Variants in NRP2 observed in about 807,000 individuals in gnomAD.
NRP2 encodes the protein neuropilin 2.
NRP2 carries 52 observed loss-of-function variants against 110.4 expected under a neutral mutation model. The ratio of observed to expected loss-of-function variants is 0.47; its 90% CI spans 0.38 to 0.59. The LOEUF (loss-of-function observed/expected upper bound fraction) is 0.59. Ranked by LOEUF, NRP2 falls within the 20% of genes least tolerant of loss-of-function variation. The pLI, the probability that NRP2 is intolerant of heterozygous loss-of-function variation, is 0.00. For synonymous variants in NRP2, 508 were observed against 468.9 expected (o/e 1.08, Z -1.08); for missense variants, 1,049 against 1,203.0 (o/e 0.87, Z 1.89).
At chr2:205,716,096 T>C (rs1177310714) in intron 2 of NRP2, 97 bp from the exon 3 acceptor site, 2 of 1,328,964 alleles carry the variant, frequency 1.5e-6, no homozygotes, top group Non-Finnish European at 2.2e-6. Flanking sequence ...ACACCTTAAC[T>C]TCTGCAAATG....
chr2:205,776,109 T>C (rs1388827950), intron 15 of NRP2: 1 of 871,966 alleles, frequency 1.1e-6, no homozygotes, highest in East Asian at 2.4e-5. Flanking sequence ...TGCTAAGGAC[T>C]GAGTACCACC....
chr2:205,702,349 G>A (rs1408127611), intron 2 of NRP2, among the ~76,000 whole-genome samples: 1 of 152,214 alleles, frequency 6.6e-6, no homozygotes, highest in Non-Finnish European at 1.5e-5. Flanking sequence ...CCCAAGGCCA[G>A]CATTTCCAGT....
intron 10 of NRP2, among the ~76,000 whole-genome samples, chr2:205,746,294 A>G (rs1182226174): frequency 6.6e-6 from 1 of 152,206 alleles, no homozygotes; most frequent in Non-Finnish European, 1.5e-5. Flanking sequence ...GTCAGTGGCT[A>G]AGAGACTTCA....
chr2:205,749,301 A>G (rs145735868), intron 10 of NRP2, among the ~76,000 whole-genome samples: 2 of 152,316 alleles, frequency 1.3e-5, no homozygotes, highest in African/African-American at 4.8e-5. Context: ...CTAAAGACAT[A>G]GCCCCAAATC....
In NRP2 at chr2:205,797,498, T is replaced by C. The variant is rs1418687822; in HGVS notation, c.*2440T>C. 1.3e-5 allele frequency: 2 copies of C among 152,154 alleles called. No homozygotes were observed. Among genetic ancestry groups the C allele is most frequent in the African/African-American group, 4.8e-5 (2 of 41,408 alleles). The allele number at this position is 152,154 out of a possible 1,614,324, so 9.4% of individuals were successfully genotyped here. ...AACTCAACCTGCATCCCTCTAAAAGTCCTATATCCATATTCACCATTGGCT... is the reference window on the plus strand; with the variant it reads ...AACTCAACCTGCATCCCTCTAAAAGCCCTATATCCATATTCACCATTGGCT... On this transcript the variant is annotated 3_prime_UTR_variant, in exon 17 of 17. Coordinates refer to ENST00000357785, the MANE Select transcript of NRP2 (RefSeq NM_003872.3).
intron 6 of NRP2, among the ~76,000 whole-genome samples, chr2:205,726,653 T>C (rs1301936468): frequency 6.6e-6 from 1 of 152,102 alleles, no homozygotes; most frequent in Non-Finnish European, 1.5e-5. Flanking sequence ...ACCTTGCAGC[T>C]CATGTTGAGT....
Position 205,697,707 on chromosome 2 carries a change from GAAGCACGACTGCAAGT to G in NRP2, c.244_251+8del. 6.2e-7 allele frequency: 1 copy of G among 1,613,902 alleles called. No individual in the cohort carries two copies. Among genetic ancestry groups the G allele is most frequent in the African/African-American group, 1.3e-5 (1 of 74,940 alleles). ...ACTTCAACCCTCACTTTGAAATCGA[GAAGCACGACTGCAAGT>G]AAGCACCGTCCTGTCCCACTGTGTA... is the stretch of plus-strand genomic sequence containing the variant. On this transcript the variant is annotated splice_donor_variant and coding_sequence_variant, in exon 2 of 17. Coordinates refer to ENST00000357785, the MANE Select transcript of NRP2 (RefSeq NM_003872.3). LOFTEE classifies it high-confidence loss of function.
intron 15 of NRP2, among the ~76,000 whole-genome samples, chr2:205,782,728 G>A (rs563614612): frequency 2.6e-5 from 4 of 152,142 alleles, no homozygotes; most frequent in Non-Finnish European, 5.9e-5. Flanking sequence ...GACATCTTGA[G>A]GGTAATTCAG....
chr2:205,752,121 C>T (rs1375245655), intron 11 of NRP2, among the ~76,000 whole-genome samples: 7 of 152,148 alleles, frequency 4.6e-5, no homozygotes, highest in South Asian at 2.1e-4. Context: ...CTCCCGGGGT[C>T]GCAGCCTCCA....
chr2:205,776,287 G>A (rs1468717416), intron 15 of NRP2: 30 of 1,612,364 alleles, frequency 1.9e-5, no homozygotes, highest in Non-Finnish European at 2.5e-5. Flanking sequence ...AGTGGACACG[G>A]TGCCCATGCA....
chr2:205,765,493 T>C lies in NRP2; in HGVS notation c.2327T>C (p.Ile776Thr), dbSNP rs1460321824. ...TTCTAGATTGTGTTCGAGGGAGTGA[T>C]AGGGAAAGGACGTTCCGGAGAGATT... ...MEYQIVFEGVIGKGRSGEIAI... is the reference protein window; with the variant it reads ...MEYQIVFEGVTGKGRSGEIAI... Residue 776 changes from isoleucine to threonine, a missense_variant, in exon 14 of 17, where the codon ATA becomes ACA. Coordinates refer to ENST00000357785, the MANE Select transcript of NRP2 (RefSeq NM_003872.3). 1.9e-6 allele frequency: 3 copies of C among 1,613,934 alleles called. No homozygotes were observed. Among genetic ancestry groups the C allele is most frequent in the South Asian group, 2.2e-5 (2 of 91,080 alleles).
chr2:205,766,680 G>A (rs746348773), intron 14 of NRP2, 103 bp from the exon 15 acceptor site: 69 of 1,073,988 alleles, frequency 6.4e-5, no homozygotes, highest in Non-Finnish European at 9.6e-5. Context: ...AAAAAACCGA[G>A]TGCAGTCATG....
intron 2 of NRP2, among the ~76,000 whole-genome samples, chr2:205,702,023 G>T (rs2056570092): frequency 6.6e-6 from 1 of 152,178 alleles, no homozygotes; most frequent in South Asian, 2.1e-4. Flanking sequence ...AACTTCCCAG[G>T]CCTCAGTTTC....
intron 1 of NRP2, among the ~76,000 whole-genome samples, chr2:205,693,260 G>A (rs1043381820): frequency 6.6e-6 from 1 of 152,192 alleles, no homozygotes; most frequent in Non-Finnish European, 1.5e-5. Flanking sequence ...GGTATACATA[G>A]GAAATAGATG....
intron 1 of NRP2, among the ~76,000 whole-genome samples, chr2:205,694,674 T>C (rs1369621658): frequency 1.3e-5 from 2 of 152,222 alleles, no homozygotes; most frequent in African/African-American, 2.4e-5. Context: ...ATAAAGTTCA[T>C]TGTGGAACAC....
At chr2:205,701,126 T>G (rs2056546230) in intron 2 of NRP2, 1 of 163,554 alleles carries the variant, frequency 6.1e-6, no homozygotes, top group South Asian at 1.6e-4. Context: ...AAATTTAAAA[T>G]GTATGTATTT....
rs1287457242 is a variant in NRP2 at position 205,720,865 on chromosome 2, A to G, written c.434-1613A>G. Among the ~76,000 whole-genome samples the G allele has an allele frequency of 4.6e-5, 7 of 152,174 alleles. No individual in the cohort carries two copies. In the East Asian group the frequency reaches 1.4e-3, roughly 29 times the overall value. Reference sequence around the variant, plus strand: ...GGCCTGACCTGCTGCTGCCATGCATATGAATGATGGGGTGCAGAGCCTCTG... The same window carrying G: ...GGCCTGACCTGCTGCTGCCATGCATGTGAATGATGGGGTGCAGAGCCTCTG... On this transcript the variant is annotated intron_variant, in intron 3 of 16. Coordinates refer to ENST00000357785, the MANE Select transcript of NRP2 (RefSeq NM_003872.3).
At chr2:205,697,901 G>A in intron 2 of NRP2, 180 bp downstream of exon 2, 1 of 701,570 alleles carries the variant, frequency 1.4e-6, no homozygotes, top group Non-Finnish European at 2.6e-6. Flanking sequence ...TAAAGGTGTG[G>A]CTGATCCCAC....
chr2:205,686,011 G>A lies in NRP2; in HGVS notation c.73+2648G>A, dbSNP rs1015275286. Reference sequence around the variant, plus strand: ...CCATCCACGTGGTGGGGACGTGATAGCCCCTCAGCTCTCCTCCTAGCCCTC... The same window carrying A: ...CCATCCACGTGGTGGGGACGTGATAACCCCTCAGCTCTCCTCCTAGCCCTC... On this transcript the variant is annotated intron_variant, in intron 1 of 16. Coordinates refer to ENST00000357785, the MANE Select transcript of NRP2 (RefSeq NM_003872.3). This position sits in a 1 kb window ranked among gnomAD's most constrained non-coding sequence, Gnocchi z 4.7. Among the ~76,000 whole-genome samples the A allele has an allele frequency of 2.0e-5, 3 of 152,084 alleles. No homozygotes were observed. Among genetic ancestry groups the A allele is most frequent in the African/African-American group, 7.2e-5 (3 of 41,424 alleles).
Sources: gnomAD v4.1 joint callset for allele counts (sites outside exome capture counted in the v4.1 genomes callset) on GRCh38, gnomAD v4.1.1 for gene constraint, Gnocchi (gnomAD v3.1) non-coding constraint, MANE v1.5 for transcripts, NCBI Gene and HGNC (gene_info 2026-07-23, HGNC 2026-07-21) for gene names.